Variants in GLUD1 observed in about 807,000 individuals in gnomAD.
GLUD1 encodes glutamate dehydrogenase 1, mitochondrial.
A neutral mutation model predicts 56.0 loss-of-function variants in GLUD1; 22 were observed. The observed-to-expected ratio is 0.39, with a 90% CI of 0.28 to 0.56. The LOEUF (loss-of-function observed/expected upper bound fraction) is 0.56, where lower values mean the gene tolerates loss of function less well. Ranked by LOEUF, GLUD1 falls within the 20% of genes least tolerant of loss-of-function variation. The probability of loss-of-function intolerance (pLI) is 0.58; values close to 1 mark genes in which losing one functional copy is unlikely to be tolerated. For synonymous variants in GLUD1, 223 were observed against 269.9 expected (o/e 0.83, Z 1.70); for missense variants, 451 against 732.0 (o/e 0.62, Z 4.43).
chr10:87,093,530 C>A (rs528769993), intron 1 of GLUD1, among the ~76,000 whole-genome samples: 1 of 152,284 alleles, frequency 6.6e-6, no homozygotes, highest in African/African-American at 2.4e-5. Flanking sequence ...CCTTTCTTCA[C>A]GTACTATATT....
chr10:87,081,946 CAAA>C (rs71019464), intron 1 of GLUD1, among the ~76,000 whole-genome samples: 7 of 85,646 alleles, frequency 8.2e-5, no homozygotes, highest in African/African-American at 2.3e-4. Flanking sequence ...ATGATCAATA[CAAA>C]AAAAAAAAAA....
At chr10:87,091,239 C>G (rs1455109088) in intron 1 of GLUD1, among the ~76,000 whole-genome samples, 1 of 79,022 alleles carries the variant, frequency 1.3e-5, no homozygotes, top group Non-Finnish European at 2.4e-5. Flanking sequence ...AATATCAAGA[C>G]AACTGGGGGG....
At chr10:87,070,491 C>T (rs1339055626) in intron 4 of GLUD1, among the ~76,000 whole-genome samples, 2 of 151,946 alleles carry the variant, frequency 1.3e-5, no homozygotes, top group African/African-American at 4.8e-5. Context: ...CCCAGCTACT[C>T]GGGAGGCTGA....
At chr10:87,070,150 C>T (rs1274504737) in intron 4 of GLUD1, among the ~76,000 whole-genome samples, 1 of 152,182 alleles carries the variant, frequency 6.6e-6, no homozygotes, top group Non-Finnish European at 1.5e-5. Context: ...AAGCTTGTTA[C>T]CTCAAACAAC....
At chr10:87,081,482 A>G (rs1053940014) in intron 1 of GLUD1, among the ~76,000 whole-genome samples, 4 of 152,204 alleles carry the variant, frequency 2.6e-5, no homozygotes, top group Non-Finnish European at 4.4e-5. Context: ...CATGATGACA[A>G]TGGTGGTTTT....
intron 1 of GLUD1, among the ~76,000 whole-genome samples, chr10:87,080,253 A>G (rs1841181157): frequency 6.6e-6 from 1 of 151,964 alleles, no homozygotes; most frequent in Admixed American, 6.6e-5. Flanking sequence ...AATGGTGCCC[A>G]GGCTGGAGTG....
At position 87,051,619 on chromosome 10, in the gene GLUD1, G is replaced by A; in HGVS notation, c.*132C>T. On this transcript the variant is annotated 3_prime_UTR_variant, in exon 13 of 13. Coordinates refer to ENST00000277865, the MANE Select transcript of GLUD1 (RefSeq NM_005271.5). The stretch of plus-strand genomic sequence containing the variant: ...TCTCCTTAACGGGCTGACTTGGATT[G>A]ACTTGTTGAGAATGGTATCCATTAT... 9.7e-7 allele frequency: 1 copy of A among 1,027,504 alleles called. No individual in the cohort carries two copies. Among genetic ancestry groups the A allele is most frequent in the Non-Finnish European group, 1.5e-6 (1 of 646,944 alleles). 63.6% of individuals were successfully genotyped at this position (1,027,504 alleles called of 1,614,324 possible).
intron 12 of GLUD1, among the ~76,000 whole-genome samples, chr10:87,052,452 C>T (rs1321352591): frequency 1.3e-5 from 2 of 152,010 alleles, no homozygotes; most frequent in Non-Finnish European, 2.9e-5. Flanking sequence ...TGCACCATTG[C>T]ACTCCAGCTG....
intron 6 of GLUD1, chr10:87,061,270 C>G (rs1304243035): frequency 3.0e-6 from 2 of 662,396 alleles, no homozygotes; most frequent in Non-Finnish European, 2.8e-6. Context: ...GCTTGTAATT[C>G]CAGCACTTTG....
chr10:87,069,911 A>G (rs988645416), intron 4 of GLUD1, among the ~76,000 whole-genome samples: 1 of 152,210 alleles, frequency 6.6e-6, no homozygotes, highest in Non-Finnish European at 1.5e-5. Flanking sequence ...TCCCCACTGC[A>G]CTTGGAAAGA....
intron 2 of GLUD1, among the ~76,000 whole-genome samples, chr10:87,076,323 T>C (rs767311051): frequency 6.6e-6 from 1 of 152,112 alleles, no homozygotes; most frequent in Non-Finnish European, 1.5e-5. Context: ...ATTTACAGAA[T>C]GTGTTGAGGA....
intron 12 of GLUD1, among the ~76,000 whole-genome samples, chr10:87,052,429 A>C (rs1045488234): frequency 6.6e-6 from 1 of 152,106 alleles, no homozygotes; most frequent in Non-Finnish European, 1.5e-5. Flanking sequence ...CGGTGGTTGC[A>C]GTGAGCAGAG....
In GLUD1 at chr10:87,073,636, T is replaced by G. The variant is rs1424071022; in HGVS notation, c.646+915A>C. 5.0e-4 allele frequency among the ~76,000 whole-genome samples: 59 copies of G among 118,240 alleles called. 1 individual carries two copies. The highest frequency in any genetic ancestry group is 2.4e-3 in the African/African-American group (57 of 23,844). 77.6% of individuals were successfully genotyped at this position (118,240 alleles called of 152,430 possible). On this transcript the variant is annotated intron_variant, in intron 4 of 12. Coordinates refer to ENST00000277865, the MANE Select transcript of GLUD1 (RefSeq NM_005271.5). ...TTTTTTTTTTTTTTTTTTTTTTTTT[T>G]GAGACGGAGTCTCGCTCTGTTGCCC...
At chr10:87,084,219 C>T (rs1371327304) in intron 1 of GLUD1, among the ~76,000 whole-genome samples, 2 of 152,234 alleles carry the variant, frequency 1.3e-5, no homozygotes, top group African/African-American at 4.8e-5. Flanking sequence ...ATCATTCCTT[C>T]TATTCTGAAC....
chr10:87,062,387 T>C (rs1275036132), intron 6 of GLUD1, among the ~76,000 whole-genome samples: 1 of 152,250 alleles, frequency 6.6e-6, no homozygotes, highest in East Asian at 1.9e-4. Context: ...CAAGTTTGAA[T>C]ACTAACCAAT....
intron 11 of GLUD1, among the ~76,000 whole-genome samples, chr10:87,056,130 A>AAAAAAAAACAAAACAAAAC (rs1564762494): frequency 5.4e-5 from 8 of 147,310 alleles, no homozygotes; most frequent in African/African-American, 2.0e-4. Flanking sequence ...AAAAAAAAAA[A>AAAAAAAAACAAAACAAAAC]AAAAAAAAAA....
chr10:87,055,156 T>C (rs1404104020), intron 11 of GLUD1, among the ~76,000 whole-genome samples: 3 of 152,150 alleles, frequency 2.0e-5, no homozygotes, highest in Non-Finnish European at 4.4e-5. Flanking sequence ...CAGGGCCTCC[T>C]ACAGGGTAGA....
intron 1 of GLUD1, among the ~76,000 whole-genome samples, chr10:87,088,550 A>AG (rs2133857120): frequency 6.6e-6 from 1 of 152,286 alleles, no homozygotes; most frequent in South Asian, 2.1e-4. Flanking sequence ...GAAAAAAAAA[A>AG]TTCATGCAAA....
chr10:87,074,039 T>A (rs979724470), intron 4 of GLUD1, among the ~76,000 whole-genome samples: 1 of 151,952 alleles, frequency 6.6e-6, no homozygotes, highest in East Asian at 1.9e-4. Context: ...AGGTTTAAAC[T>A]GCTTGAAAAT....
Sources: allele counts gnomAD v4.1 joint callset (sites outside exome capture counted in the v4.1 genomes callset), GRCh38; gene constraint gnomAD v4.1.1; transcripts MANE v1.5; gene names NCBI Gene and HGNC (gene_info 2026-07-23, HGNC 2026-07-21).